The following CSMD1 variants were observed in gnomAD, a reference collection of about 807,000 sequenced individuals.
CSMD1 encodes CUB and Sushi multiple domains 1.
In CSMD1, 213 loss-of-function variants were observed where a neutral mutation model predicts 417.5. That is an observed-to-expected ratio of 0.51 (90% CI 0.46 to 0.57). The LOEUF (loss-of-function observed/expected upper bound fraction) is 0.57. Among genes scored for constraint, CSMD1 ranks in the 20% least tolerant of loss-of-function variants. CSMD1 has a pLI of 0.00. For synonymous variants in CSMD1, 2,862 were observed against 1,736.8 expected, an observed-to-expected ratio of 1.65 and a Z score of -16.11; for missense variants, 6,923 against 4,529.7, an observed-to-expected ratio of 1.53 and a Z score of -15.17.
intron 3 of CSMD1, among the ~76,000 whole-genome samples, chr8:4,230,048 C>T (rs570809995): frequency 1.3e-5 from 2 of 152,242 alleles, no homozygotes; most frequent in South Asian, 2.1e-4. Flanking sequence ...GAACATCTTA[C>T]GTGCGTGCGT....
At chr8:4,726,737 TG>T (rs1342012535) in intron 1 of CSMD1, among the ~76,000 whole-genome samples, 1 of 152,244 alleles carries the variant, frequency 6.6e-6, no homozygotes, top group Non-Finnish European at 1.5e-5. Context: ...CACTTCAGCA[TG>T]GGCTGGGTTA....
chr8:3,946,747 CTA>C (rs1336295993), intron 5 of CSMD1, among the ~76,000 whole-genome samples: 3 of 152,064 alleles, frequency 2.0e-5, no homozygotes, highest in Non-Finnish European at 4.4e-5. Context: ...TTTCTCTCAG[CTA>C]TGTTTTACAG....
At chr8:3,642,305 GA>G (rs1274271775) in intron 7 of CSMD1, among the ~76,000 whole-genome samples, 5 of 152,128 alleles carry the variant, frequency 3.3e-5, no homozygotes, top group African/African-American at 1.2e-4. Flanking sequence ...AGATCAGAAA[GA>G]GTGAAAAGAA....
chr8:4,278,867 T>G (rs890410870), intron 3 of CSMD1, among the ~76,000 whole-genome samples: 12 of 152,186 alleles, frequency 7.9e-5, no homozygotes, highest in African/African-American at 2.7e-4. Context: ...TCAATTGCAG[T>G]ATGTATGTAA....
rs1273498425 is a variant in CSMD1, at chr8:4,276,168, A to G, written c.415+143785T>C. 2.6e-5 allele frequency among the ~76,000 whole-genome samples: 4 copies of G among 152,222 alleles called. 1 individual carries two copies. Among genetic ancestry groups the G allele is most frequent in the African/African-American group, 9.6e-5 (4 of 41,462 alleles). ...ATCATTATGCTATAAAGACACATGC[A>G]CACATATGCTTATTGCAGCACTGTT... On this transcript the variant is annotated intron_variant, in intron 3 of 69. Coordinates refer to ENST00000635120, the MANE Select transcript of CSMD1 (RefSeq NM_033225.6).
intron 8 of CSMD1, among the ~76,000 whole-genome samples, chr8:3,599,911 G>A (rs900361721): frequency 6.6e-6 from 1 of 152,170 alleles, no homozygotes; most frequent in African/African-American, 2.4e-5. Context: ...TCCAGAGGAA[G>A]CAACATTTCG....
rs573017603 is a variant in CSMD1 at position 4,336,742 on chromosome 8, T to C, written c.415+83211A>G. Reference sequence around the variant, plus strand: ...CTAGGATCCAATTACTCTGAGTTACTTGGTGACTGGATCCACAATGGGCAA... The same window carrying C: ...CTAGGATCCAATTACTCTGAGTTACCTGGTGACTGGATCCACAATGGGCAA... On this transcript the variant is annotated intron_variant, in intron 3 of 69. Transcript: ENST00000635120. Among the ~76,000 whole-genome samples the C allele has an allele frequency of 5.3e-5, 8 of 152,188 alleles. No individual in the cohort carries two copies. The East Asian group carries it at 1.5e-3, about 29-fold the overall frequency.
intron 25 of CSMD1, among the ~76,000 whole-genome samples, chr8:3,293,121 A>G (rs981904795): frequency 6.9e-6 from 1 of 144,908 alleles, no homozygotes; most frequent in Non-Finnish European, 1.5e-5. Flanking sequence ...TCTGGGTTGA[A>G]AATTCTTTCT....
chr8:4,836,837 G>A (rs1467965581), intron 1 of CSMD1, among the ~76,000 whole-genome samples: 2 of 151,918 alleles, frequency 1.3e-5, no homozygotes, highest in Non-Finnish European at 1.5e-5. Flanking sequence ...AAAAAAAAAA[G>A]TAGACGCTGT....
chr8:4,363,474 C>G (rs1801893541), intron 3 of CSMD1, among the ~76,000 whole-genome samples: 1 of 152,236 alleles, frequency 6.6e-6, no homozygotes, highest in South Asian at 2.1e-4. Flanking sequence ...TCCCCACCAC[C>G]CCCTCTCTGG....
intron 18 of CSMD1, among the ~76,000 whole-genome samples, chr8:3,384,552 A>C (rs1307557604): frequency 6.7e-6 from 1 of 150,354 alleles, no homozygotes; most frequent in Admixed American, 6.7e-5. Context: ...GTCCTTCCTT[A>C]TTATTCTCAA....
At chr8:3,947,965 G>T (rs1159487408) in intron 5 of CSMD1, among the ~76,000 whole-genome samples, 1 of 152,134 alleles carries the variant, frequency 6.6e-6, no homozygotes, top group East Asian at 1.9e-4. Context: ...CAGCACTTTG[G>T]GAGGCCAAGG....
intron 3 of CSMD1, among the ~76,000 whole-genome samples, chr8:4,225,161 C>T (rs1472129485): frequency 6.6e-6 from 1 of 152,134 alleles, no homozygotes; most frequent in Admixed American, 6.6e-5. Flanking sequence ...GTCAGGGCAA[C>T]TTCATTGTAC....
chr8:4,599,815 T>C (rs530397835), intron 2 of CSMD1, among the ~76,000 whole-genome samples: 2 of 152,320 alleles, frequency 1.3e-5, no homozygotes, highest in East Asian at 3.9e-4. Flanking sequence ...CTAGTGTTTA[T>C]CACAATAATG....
intron 23 of CSMD1, among the ~76,000 whole-genome samples, chr8:3,340,514 C>G (rs928940678): frequency 2.6e-5 from 4 of 152,230 alleles, no homozygotes; most frequent in East Asian, 1.9e-4. Context: ...AATTAACTAT[C>G]AAGAGGCAAT....
intron 37 of CSMD1, among the ~76,000 whole-genome samples, chr8:3,179,107 G>A (rs946960998): frequency 1.1e-4 from 16 of 151,382 alleles, no homozygotes; most frequent in Middle Eastern, 3.4e-3. Flanking sequence ...CACCACGCCT[G>A]GCTAATTCTT....
intron 5 of CSMD1, among the ~76,000 whole-genome samples, chr8:3,984,167 G>A (rs570790337): frequency 3.9e-5 from 6 of 152,212 alleles, no homozygotes; most frequent in Non-Finnish European, 8.8e-5. Context: ...GCACATCGCA[G>A]AAAATTCAGG....
chr8:4,557,615 G>A (rs1018011237), intron 2 of CSMD1, among the ~76,000 whole-genome samples: 1 of 151,906 alleles, frequency 6.6e-6, no homozygotes, highest in Non-Finnish European at 1.5e-5. Flanking sequence ...GTGGGGGAAG[G>A]GGGACAGCAG....
intron 1 of CSMD1, among the ~76,000 whole-genome samples, chr8:4,762,456 G>A (rs573564005): frequency 3.3e-5 from 5 of 152,168 alleles, no homozygotes; most frequent in East Asian, 1.9e-4. Flanking sequence ...AAGCATCTCA[G>A]TTATTTAACA....
Sources: allele counts gnomAD v4.1 joint callset (sites outside exome capture counted in the v4.1 genomes callset), GRCh38; gene constraint gnomAD v4.1.1; transcripts MANE v1.5; gene names NCBI Gene and HGNC (gene_info 2026-07-23, HGNC 2026-07-21).